Variants in CLCN4 observed in about 807,000 individuals in gnomAD.
The protein encoded by CLCN4 is Cl-/H+ antiporter 4, also known as H(+)/Cl(-) exchange transporter 4.
Under a neutral mutation model 41.7 loss-of-function variants are expected in CLCN4, and 1 was observed. That is an observed-to-expected ratio of 0.02 (90% CI 0.01 to 0.11). The LOEUF is 0.11. Ranked by LOEUF, CLCN4 falls within the 10% of genes least tolerant of loss-of-function variation. CLCN4 has a pLI of 1.00. For missense variants in CLCN4, 287 were observed against 661.0 expected (o/e 0.43, Z 6.20); for synonymous variants, 277 against 285.8 (o/e 0.97, Z 0.31).
chrX:10,180,211 G>T (rs913169710), intron 2 of CLCN4, among the ~76,000 whole-genome samples: 6 of 111,718 alleles, frequency 5.4e-5, no homozygotes, highest in Non-Finnish European at 1.1e-4. Context: ...GTGGTTGGTT[G>T]TGTGTTTTAA....
At chrX:10,216,593 G>GT (rs1327318122) in intron 11 of CLCN4, among the ~76,000 whole-genome samples, 8 of 110,204 alleles carry the variant, frequency 7.3e-5, no homozygotes, top group Non-Finnish European at 1.3e-4. Context: ...AAACTCTCAG[G>GT]TTTTTTTGGT....
intron 3 of CLCN4, 84 bp from the exon 4 acceptor site, chrX:10,187,431 T>G (rs1202139225): frequency 1.5e-6 from 1 of 684,093 alleles, no homozygotes; most frequent in Non-Finnish European, 2.3e-6. Context: ...TTAATTACCC[T>G]GTTTCCCGAG....
intron 12 of CLCN4, among the ~76,000 whole-genome samples, chrX:10,223,597 C>T (rs1924912079): frequency 8.9e-6 from 1 of 111,984 alleles, no homozygotes; most frequent in Non-Finnish European, 1.9e-5. Context: ...ACCTTCCCTG[C>T]TCGGGATGGC....
chrX:10,176,065 T>C (rs958956669), intron 2 of CLCN4, among the ~76,000 whole-genome samples: 12 of 111,599 alleles, frequency 1.1e-4, no homozygotes, highest in Non-Finnish European at 1.9e-5. Flanking sequence ...AGTTGCATTG[T>C]TGGGTTTCTG....
intron 12 of CLCN4, among the ~76,000 whole-genome samples, chrX:10,226,618 GT>G (rs751836541): frequency 5.4e-5 from 6 of 110,688 alleles, no homozygotes; most frequent in African/African-American, 2.0e-4. Flanking sequence ...TCCAGGAGTT[GT>G]TTTTTTGAAA....
intron 2 of CLCN4, among the ~76,000 whole-genome samples, chrX:10,181,387 A>G (rs1923681602): frequency 9.0e-6 from 1 of 110,702 alleles, no homozygotes; most frequent in South Asian, 3.9e-4. Context: ...AGAAAAAGAA[A>G]AGAAAGAAAA....
At chrX:10,164,918 G>C (rs936294343) in intron 2 of CLCN4, among the ~76,000 whole-genome samples, 5 of 112,387 alleles carry the variant, frequency 4.4e-5, no homozygotes, top group Non-Finnish European at 7.5e-5. Context: ...GGTGATTCTG[G>C]CTACACAGCT....
intron 4 of CLCN4, among the ~76,000 whole-genome samples, chrX:10,190,131 T>A (rs1209068739): frequency 9.0e-6 from 1 of 111,667 alleles, no homozygotes; most frequent in Non-Finnish European, 1.9e-5. Flanking sequence ...TCAGTTAGAC[T>A]GGAGGAATAA....
intron 12 of CLCN4, among the ~76,000 whole-genome samples, chrX:10,224,321 TGTGTGTGTGTGTATGTGA>T (rs1924933166): frequency 9.2e-6 from 1 of 108,191 alleles, no homozygotes; most frequent in South Asian, 3.9e-4. Context: ...TGTGTGTGTG[TGTGTGTGTGTGTATGTGA>T]GTGTGTGTGT....
chrX:10,180,505 C>T (rs1013807852), intron 2 of CLCN4, among the ~76,000 whole-genome samples: 6 of 111,344 alleles, frequency 5.4e-5, no homozygotes, highest in African/African-American at 1.6e-4. Flanking sequence ...CAGTGGCTCA[C>T]GCCTGTAATC....
Position 10,195,000 on chromosome X carries a change from G to A in CLCN4, c.334G>A (p.Glu112Lys), listed in dbSNP as rs1321604317. 8.3e-7 allele frequency: 1 copy of A among 1,209,569 alleles called. No individual in the cohort carries two copies. Among genetic ancestry groups the A allele is most frequent in the Non-Finnish European group, 1.1e-6 (1 of 894,978 alleles). The change falls in exon 5 of 13, where the codon GAG becomes AAG. Residue 112 changes from glutamate to lysine, a missense_variant. Physicochemically the swap from Glu to Lys is moderately conservative, Grantham distance 56. This residue lies in a region of CLCN4 where 90 missense variants were observed against 209.8 expected (regional missense o/e 0.43). Coordinates refer to ENST00000380833, the MANE Select transcript of CLCN4 (RefSeq NM_001830.4). ...CCTGTCTGCCTTCTGGTATAGCCATGAGCAGTGTTGCTGGACTTCTAACGA... is the reference window on the plus strand; with the variant it reads ...CCTGTCTGCCTTCTGGTATAGCCATAAGCAGTGTTGCTGGACTTCTAACGA... ...VCLSAFWYSH[E>K]QCCWTSNETT...
intron 2 of CLCN4, among the ~76,000 whole-genome samples, chrX:10,170,436 T>TA (rs1161640883): frequency 2.7e-5 from 3 of 112,266 alleles, no homozygotes; most frequent in Non-Finnish European, 5.6e-5. Context: ...TTAAAAATAT[T>TA]AATATAAACA....
chrX:10,175,444 G>C (rs1923494237), intron 2 of CLCN4, among the ~76,000 whole-genome samples: 1 of 111,695 alleles, frequency 9.0e-6, no homozygotes, highest in African/African-American at 3.3e-5. Context: ...CAAGGAACTG[G>C]CAGCCAGCAG....
intron 6 of CLCN4, among the ~76,000 whole-genome samples, chrX:10,205,605 TC>T (rs1924365177): frequency 9.8e-6 from 1 of 101,653 alleles, no homozygotes; most frequent in Non-Finnish European, 2.0e-5. Context: ...GGTGGCATAT[TC>T]CTTTTTTTTT....
At chrX:10,161,556 C>T (rs1443922680) in intron 2 of CLCN4, among the ~76,000 whole-genome samples, 8 of 112,108 alleles carry the variant, frequency 7.1e-5, no homozygotes, top group Admixed American at 6.6e-4. Context: ...GTGTAACAGG[C>T]ATTTTGGGGA....
intron 2 of CLCN4, among the ~76,000 whole-genome samples, chrX:10,165,905 G>A (rs902267294): frequency 8.9e-6 from 1 of 111,921 alleles, no homozygotes; most frequent in African/African-American, 3.3e-5. Flanking sequence ...GTGGCGTCCC[G>A]GGCCACCAGG....
chrX:10,172,280 C>T (rs973897613), intron 2 of CLCN4, among the ~76,000 whole-genome samples: 13 of 112,060 alleles, frequency 1.2e-4, no homozygotes, highest in African/African-American at 3.2e-4. Flanking sequence ...TGAGAGTCAT[C>T]GATTAATACC....
Position 10,236,231 on chromosome X carries a change from G to C in CLCN4, c.*2647G>C, listed in dbSNP as rs1925247965. 8.9e-6 allele frequency: 1 copy of C among 111,823 alleles called. No homozygotes were observed. The highest frequency in any genetic ancestry group is 3.3e-5 in the African/African-American group (1 of 30,746). 9.2% of individuals were successfully genotyped at this position (111,823 alleles called of 1,213,427 possible). Reference sequence around the variant, plus strand: ...ATGGGGGGGAATGAGGGGAAATTATGCTTCCGGGCCAAGGTCACCGAGGGG... The same window carrying C: ...ATGGGGGGGAATGAGGGGAAATTATCCTTCCGGGCCAAGGTCACCGAGGGG... On this transcript the variant is annotated 3_prime_UTR_variant, in exon 13 of 13. Coordinates refer to ENST00000380833, the MANE Select transcript of CLCN4 (RefSeq NM_001830.4).
chrX:10,213,172 A>G (rs1295622074), intron 10 of CLCN4, among the ~76,000 whole-genome samples: 1 of 111,984 alleles, frequency 8.9e-6, no homozygotes, highest in African/African-American at 3.3e-5. Flanking sequence ...CTTTTGTACC[A>G]CGGAAAGTGG....
Sources: gnomAD v4.1 joint callset for allele counts (sites outside exome capture counted in the v4.1 genomes callset) on GRCh38, gnomAD v4.1.1 for gene constraint, gnomAD v4.1.1 regional missense constraint, MANE v1.5 for transcripts, NCBI Gene and HGNC (gene_info 2026-07-23, HGNC 2026-07-21) for gene names.